The following TRIM14 variants were observed in gnomAD, a reference collection of about 807,000 sequenced individuals.
TRIM14 encodes the protein tripartite motif containing 14.
Under a neutral mutation model 44.5 loss-of-function variants are expected in TRIM14, and 28 were observed. That is an observed-to-expected ratio of 0.63 (90% CI 0.47 to 0.86). The LOEUF is 0.86. Among genes scored for constraint, TRIM14 ranks in the 40% least tolerant of loss-of-function variants. The pLI is 0.00. For missense variants in TRIM14, 607 were observed against 611.1 expected (o/e 0.99, Z 0.07); for synonymous variants, 299 against 269.2 (o/e 1.11, Z -1.08).
At chr9:98,075,420 G>C (rs1474830029) in intron 6 of TRIM14, 1 of 148,672 alleles carries the variant, frequency 6.7e-6, no homozygotes, top group Non-Finnish European at 1.5e-5. Context: ...GAAAGGGAGA[G>C]AGGGAGGGAA....
At chr9:98,080,261 GTCTT>G (rs1294092853), downstream of TRIM14, among the ~76,000 whole-genome samples, 1 of 152,160 alleles carries the variant, frequency 6.6e-6, no homozygotes, top group Non-Finnish European at 1.5e-5. Context: ...CGCTACCTGA[GTCTT>G]TCTACTGTAC....
chr9:98,062,210 TAA>T, the TRIM14 span, among the ~76,000 whole-genome samples: 8 of 133,708 alleles, frequency 6.0e-5, no homozygotes, highest in Non-Finnish European at 4.9e-5. Context: ...TGTCTCTTAA[TAA>T]AAAAAAAAAA....
At chr9:98,037,701 A>G in the TRIM14 span, among the ~76,000 whole-genome samples, 7 of 152,298 alleles carry the variant, frequency 4.6e-5, no homozygotes, top group African/African-American at 1.2e-4. Flanking sequence ...CTAGGAGCCA[A>G]CTTCAAAAGG....
In TRIM14 at chr9:98,076,979, C is replaced by T; in HGVS notation, c.*29-7292G>A. ...TTTTTCAAAGTTGGATCTGGAGACA[C>T]TAATAATTTTCCTTATCTGGAAAAG... On this transcript the variant is annotated intron_variant, in intron 6 of 6. Transcript: ENST00000375098. The T allele has an allele frequency of 6.2e-7, 1 of 1,611,036 alleles. No individual in the cohort carries two copies. Among genetic ancestry groups the T allele is most frequent in the Non-Finnish European group, 8.5e-7 (1 of 1,179,090 alleles).
rs1282265109 is a variant in TRIM14, at chr9:98,087,401, G to T, written c.*69C>A. 3.1e-5 allele frequency: 50 copies of T among 1,607,722 alleles called. No individual in the cohort carries two copies. In the Middle Eastern group the frequency reaches 9.9e-4, roughly 32 times the overall value. On this transcript the variant is annotated 3_prime_UTR_variant, in exon 6 of 6. Coordinates refer to ENST00000341469, the MANE Select transcript of TRIM14 (RefSeq NM_014788.4). ...AGGCAGTAAGGGGACCAGCCACGCT[G>T]ATCTAGGTAGATTAGGCGAGACTGG... is the stretch of plus-strand genomic sequence containing the variant.
chr9:98,080,934 T>C (rs1346448318), downstream of TRIM14: 12 of 1,614,106 alleles, frequency 7.4e-6, no homozygotes, highest in Non-Finnish European at 1.0e-5. Context: ...CACATAACTT[T>C]GGACAAGACC....
At chr9:98,036,360 G>T in the TRIM14 span, among the ~76,000 whole-genome samples, 1 of 151,972 alleles carries the variant, frequency 6.6e-6, no homozygotes, top group Non-Finnish European at 1.5e-5. Context: ...AATTAGCCAG[G>T]CCTGGTGGCA....
chr9:98,051,202 G>C, the TRIM14 span, among the ~76,000 whole-genome samples: 1 of 152,194 alleles, frequency 6.6e-6, no homozygotes, highest in Admixed American at 6.5e-5. Context: ...CTACTATTAT[G>C]ACTATCGCGA....
Position 98,100,009 on chromosome 9 carries a change from C to CT in TRIM14, c.458dup (p.Gln154AlafsTer3). 6.2e-7 allele frequency: 1 copy of CT among 1,614,200 alleles called. No individual in the cohort carries two copies. The highest frequency in any genetic ancestry group is 8.5e-7 in the Non-Finnish European group (1 of 1,180,028). On this transcript the variant is annotated frameshift_variant, in exon 3 of 6. Transcript: ENST00000341469. LOFTEE classifies it high-confidence loss of function. The stretch of plus-strand genomic sequence containing the variant: ...AGAGATCATTCATGATGTCAAGTTG[C>CT]TCTCTGCAAGAGTCAGCTTGTTCCC...
At chr9:98,063,462 G>A in the TRIM14 span, among the ~76,000 whole-genome samples, 3 of 151,944 alleles carry the variant, frequency 2.0e-5, no homozygotes, top group Non-Finnish European at 1.5e-5. Context: ...GGCTGGTCTC[G>A]AACTTTTGAC....
the TRIM14 span, among the ~76,000 whole-genome samples, chr9:98,039,277 G>A: frequency 6.6e-6 from 1 of 151,994 alleles, no homozygotes; most frequent in South Asian, 2.1e-4. Flanking sequence ...CAGCCTCTTG[G>A]GTAGCTGTGT....
chr9:98,076,687 A>G, intron 6 of TRIM14: 1 of 488,672 alleles, frequency 2.0e-6, no homozygotes. Context: ...TCCTGTAGCC[A>G]GCAAAGACCA....
the TRIM14 span, among the ~76,000 whole-genome samples, chr9:98,045,217 T>A: frequency 6.6e-6 from 1 of 152,128 alleles, no homozygotes; most frequent in Non-Finnish European, 1.5e-5. Flanking sequence ...TTCCTGTAAA[T>A]TGTGCTCAGC....
At chr9:98,062,226 T>C in the TRIM14 span, among the ~76,000 whole-genome samples, 3 of 145,934 alleles carry the variant, frequency 2.1e-5, no homozygotes, top group African/African-American at 5.0e-5. Flanking sequence ...AAAAAAAAAA[T>C]AGAGCAAGGA....
At chr9:98,099,741 A>T (rs925906078) in intron 3 of TRIM14, among the ~76,000 whole-genome samples, 190 bp downstream of exon 3, 2 of 152,358 alleles carry the variant, frequency 1.3e-5, no homozygotes, top group South Asian at 2.1e-4. Flanking sequence ...AATTAGCCCA[A>T]GAGGTGTATT....
intron 2 of TRIM14, among the ~76,000 whole-genome samples, chr9:98,102,661 C>T (rs921318331): frequency 3.3e-5 from 5 of 152,090 alleles, no homozygotes; most frequent in African/African-American, 9.7e-5. Flanking sequence ...GTAGAGTCGA[C>T]GTTACCAAGG....
At chr9:98,073,399 C>G (rs944304229) in intron 6 of TRIM14, among the ~76,000 whole-genome samples, 1 of 147,904 alleles carries the variant, frequency 6.8e-6, no homozygotes, top group African/African-American at 2.5e-5. Flanking sequence ...ATTGTCCTGC[C>G]TTAGCCTCCC....
chr9:98,084,666 A>T lies in TRIM14; in HGVS notation c.*2804T>A, dbSNP rs545901187. 6.6e-6 allele frequency: 1 copy of T among 152,080 alleles called. No individual in the cohort carries two copies. 9.4% of individuals were successfully genotyped at this position (152,080 alleles called of 1,614,324 possible). A position where few individuals can be genotyped will look rare whatever the true frequency, so the allele number is the denominator to read the frequency against. On this transcript the variant is annotated 3_prime_UTR_variant, in exon 6 of 6. Coordinates refer to ENST00000341469, the MANE Select transcript of TRIM14 (RefSeq NM_014788.4). Reference sequence around the variant, plus strand: ...AAATCCTGGCATGATACAGCAGTATATATGTTTTTTTTGTTTTTTTTGAGA... The same window carrying T: ...AAATCCTGGCATGATACAGCAGTATTTATGTTTTTTTTGTTTTTTTTGAGA...
chr9:98,036,239 C>T, the TRIM14 span, among the ~76,000 whole-genome samples: 2 of 150,496 alleles, frequency 1.3e-5, no homozygotes, highest in South Asian at 2.1e-4. Flanking sequence ...AAAAAGAAGT[C>T]CTTGTAATGC....
Sources: gnomAD v4.1 joint callset for allele counts (sites outside exome capture counted in the v4.1 genomes callset) on GRCh38, gnomAD v4.1.1 for gene constraint, MANE v1.5 for transcripts, NCBI Gene and HGNC (gene_info 2026-07-23, HGNC 2026-07-21) for gene names.